Variants in MZT2A observed in about 807,000 individuals in gnomAD.
MZT2A encodes mitotic spindle organizing protein 2A, also known as mitotic-spindle organizing protein 2A.
Under a neutral mutation model 12.4 loss-of-function variants are expected in MZT2A, and 8 were observed. The observed-to-expected ratio is 0.64, with a 90% CI of 0.38 to 1.16. MZT2A has a LOEUF of 1.16. Among genes scored for constraint, MZT2A ranks in the 50% most tolerant of loss-of-function variants. MZT2A has a pLI of 0.01. For missense variants in MZT2A, 181 were observed against 223.6 expected (o/e 0.81, Z 1.22); for synonymous variants, 88 against 107.5 (o/e 0.82, Z 1.12).
intron 2 of MZT2A, chr2:131,490,996 C>T (rs1679272853): frequency 1.3e-6 from 2 of 1,525,078 alleles, no homozygotes; most frequent in Admixed American, 2.0e-5. Context: ...GCGTGGGTGC[C>T]CAGGCCCTGG....
chr2:131,492,056 C>T, intron 1 of MZT2A, 32 bp from the exon 2 acceptor site: 1 of 1,557,028 alleles, frequency 6.4e-7, no homozygotes. Flanking sequence ...CCGGTGAGCC[C>T]TCTCCGCCCG....
upstream of MZT2A, chr2:131,493,159 G>T: frequency 7.0e-7 from 1 of 1,436,344 alleles, no homozygotes; most frequent in Non-Finnish European, 9.1e-7. Flanking sequence ...CGCGGGACGC[G>T]CGCGTGAGAC....
intron 2 of MZT2A, among the ~76,000 whole-genome samples, chr2:131,476,450 C>G (rs1238640754): frequency 6.6e-6 from 1 of 152,164 alleles, no homozygotes; most frequent in East Asian, 1.9e-4. Flanking sequence ...TGTCCCGTCC[C>G]CCAGAGAGCA....
chr2:131,475,029 C>T (rs1296897331), intron 2 of MZT2A, among the ~76,000 whole-genome samples: 1 of 152,110 alleles, frequency 6.6e-6, no homozygotes, highest in African/African-American at 2.4e-5. Flanking sequence ...GGCGTGATCT[C>T]AGCTCACTGC....
intron 2 of MZT2A, among the ~76,000 whole-genome samples, chr2:131,485,650 C>T (rs1482777400): frequency 6.6e-6 from 1 of 152,168 alleles, no homozygotes; most frequent in Non-Finnish European, 1.5e-5. Context: ...GGGAACTCCC[C>T]TGCCATCACT....
upstream of MZT2A, chr2:131,492,510 G>T: frequency 8.9e-7 from 1 of 1,117,594 alleles, no homozygotes; most frequent in Non-Finnish European, 1.1e-6. Flanking sequence ...GCGGGGACGG[G>T]GCCGCCTCCT....
chr2:131,482,858 G>T (rs1678908937), downstream of MZT2A: 5 of 1,610,370 alleles, frequency 3.1e-6, no homozygotes, highest in Middle Eastern at 1.7e-4. Context: ...AGGGGAGGGT[G>T]TGGTGGGTTC....
intron 2 of MZT2A, among the ~76,000 whole-genome samples, chr2:131,487,451 C>G (rs1260363038): frequency 6.6e-6 from 1 of 152,114 alleles, no homozygotes; most frequent in Non-Finnish European, 1.5e-5. Context: ...GCACTCCAGC[C>G]TGGGTGACAG....
chr2:131,489,701 TG>T (rs1679211579), intron 2 of MZT2A: 4 of 231,282 alleles, frequency 1.7e-5, no homozygotes, highest in Non-Finnish European at 2.8e-5. Context: ...TTTGTAGAGA[TG>T]GGGTCTTGCT....
At chr2:131,483,478 T>C (rs1290609231), downstream of MZT2A, among the ~76,000 whole-genome samples, 7 of 152,064 alleles carry the variant, frequency 4.6e-5, no homozygotes, top group Admixed American at 1.3e-4. Flanking sequence ...CTGTCAACTG[T>C]CTTGGTAGAA....
Position 131,484,226 on chromosome 2 carries a change from GAC to G in MZT2A, c.320-10_320-9del, listed in dbSNP as rs750158613. ...CGCTGCCTTTGTCTCTCCCTAAGGA[GAC>G]ACAAAGCACAATGATTAGGAATGGA... On this transcript the variant is annotated splice_polypyrimidine_tract_variant and intron_variant, in intron 2 of 2. Coordinates refer to ENST00000309451, the MANE Select transcript of MZT2A (RefSeq NM_001085365.2). 1 of 1,612,876 alleles carries G rather than the reference GAC, an allele frequency of 6.2e-7. No homozygotes were observed. Among genetic ancestry groups the G allele is most frequent in the Admixed American group, 1.7e-5 (1 of 59,956 alleles).
chr2:131,482,361 A>G (rs1339271779), downstream of MZT2A, among the ~76,000 whole-genome samples: 1 of 152,176 alleles, frequency 6.6e-6, no homozygotes, highest in African/African-American at 2.4e-5. Context: ...GCTACCTCCA[A>G]GGTTCCTTTC....
chr2:131,472,245 A>T, intron 2 of MZT2A: 1 of 1,237,572 alleles, frequency 8.1e-7, no homozygotes, highest in Non-Finnish European at 1.1e-6. Flanking sequence ...AACTATATGT[A>T]AATGTTGTTA....
intron 2 of MZT2A, among the ~76,000 whole-genome samples, chr2:131,474,241 G>A (rs916267040): frequency 1.3e-5 from 2 of 151,780 alleles, no homozygotes; most frequent in East Asian, 1.9e-4. Flanking sequence ...GGGACTGCAG[G>A]CACCCGCCGC....
intron 2 of MZT2A, among the ~76,000 whole-genome samples, chr2:131,488,761 C>A (rs1162071253): frequency 6.6e-6 from 1 of 152,122 alleles, no homozygotes; most frequent in Non-Finnish European, 1.5e-5. Flanking sequence ...CCCCATGGGG[C>A]CTCGGTGCCC....
chr2:131,478,535 T>A (rs964140595), intron 2 of MZT2A: 4 of 1,405,324 alleles, frequency 2.8e-6, no homozygotes, highest in Non-Finnish European at 9.4e-7. Context: ...AACTGAAAGG[T>A]TCGTGATCAA....
downstream of MZT2A, chr2:131,480,603 A>G (rs745833665): frequency 1.4e-5 from 23 of 1,613,172 alleles, no homozygotes; most frequent in East Asian, 4.7e-4. Context: ...TCAAATGGTC[A>G]AGTGTGACCC....
rs368367018 is a variant in MZT2A at position 131,484,152 on chromosome 2, C to A, written c.386G>T (p.Gly129Val). ...CTGGCGTGGCATCCTCTGGCTGGAT[C>A]CCTCGTGGTTGCTGCGTTCCGCCAG... is the stretch of plus-strand genomic sequence containing the variant. ...LALAERSNHE[G>V]SSQRMPRQPS... Residue 129 changes from glycine (G) to valine (V), a missense_variant, in exon 3 of 3, where the codon GGA (glycine) becomes GTA (valine). Physicochemically the swap from Gly to Val is moderately radical, Grantham distance 109. Transcript: ENST00000309451. 6.8e-6 allele frequency: 11 copies of A among 1,614,020 alleles called. No homozygotes were observed. In the Middle Eastern group the frequency reaches 6.6e-4, roughly 97 times the overall value.
intron 3 of MZT2A, chr2:131,470,368 T>C (rs1259679894): frequency 8.0e-7 from 1 of 1,244,540 alleles, no homozygotes; most frequent in Non-Finnish European, 1.0e-6. Context: ...ACAGATGTTT[T>C]ATGTTTGCTT....
Sources: allele counts gnomAD v4.1 joint callset (sites outside exome capture counted in the v4.1 genomes callset), GRCh38; gene constraint gnomAD v4.1.1; transcripts MANE v1.5; gene names NCBI Gene and HGNC (gene_info 2026-07-23, HGNC 2026-07-21).